Variants in CTDSPL observed in about 807,000 individuals in gnomAD.
The protein encoded by CTDSPL is CTD small phosphatase-like protein.
In CTDSPL, 8 loss-of-function variants were observed where a neutral mutation model predicts 30.5. That is an observed-to-expected ratio of 0.26 (90% CI 0.15 to 0.47). The LOEUF is 0.47. Ranked by LOEUF, CTDSPL falls within the 20% of genes least tolerant of loss-of-function variation. CTDSPL has a pLI of 0.99. For synonymous variants in CTDSPL, 110 were observed against 137.9 expected (o/e 0.80, Z 1.42); for missense variants, 248 against 366.1 (o/e 0.68, Z 2.63).
chr3:37,879,089 A>G (rs906248866), intron 1 of CTDSPL, among the ~76,000 whole-genome samples: 1 of 151,916 alleles, frequency 6.6e-6, no homozygotes, highest in Non-Finnish European at 1.5e-5. Context: ...ACCCAAAACA[A>G]AAGGGAAGAG....
chr3:37,912,848 A>G (rs1698598994), intron 1 of CTDSPL, among the ~76,000 whole-genome samples: 1 of 152,202 alleles, frequency 6.6e-6, no homozygotes, highest in Non-Finnish European at 1.5e-5. Context: ...GCTCTAGTAT[A>G]TTGCCAGCAA....
At chr3:37,969,490 C>T (rs748789618) in intron 5 of CTDSPL, 15 of 480,120 alleles carry the variant, frequency 3.1e-5, no homozygotes, top group Non-Finnish European at 5.2e-5. Flanking sequence ...CGGGCCTGGA[C>T]GCCGGCATCC....
chr3:37,915,473 T>C (rs1300898164), intron 1 of CTDSPL, among the ~76,000 whole-genome samples: 1 of 152,188 alleles, frequency 6.6e-6, no homozygotes, highest in Non-Finnish European at 1.5e-5. Context: ...TCATCTTTAT[T>C]TTCTGTCCTT....
intron 6 of CTDSPL, among the ~76,000 whole-genome samples, chr3:37,972,269 G>A (rs1575324401): frequency 6.6e-6 from 1 of 152,152 alleles, no homozygotes; most frequent in Non-Finnish European, 1.5e-5. Flanking sequence ...GGCCAAGGAG[G>A]GCGTATCACC....
At chr3:37,889,412 A>G in intron 1 of CTDSPL, among the ~76,000 whole-genome samples, 1 of 152,236 alleles carries the variant, frequency 6.6e-6, no homozygotes, top group East Asian at 1.9e-4. Context: ...TATAAAATGT[A>G]ATAGAAGGGC....
chr3:37,867,462 T>C (rs527335286), intron 1 of CTDSPL, among the ~76,000 whole-genome samples: 1 of 152,322 alleles, frequency 6.6e-6, no homozygotes, highest in South Asian at 2.1e-4. Context: ...TTCATATCTC[T>C]GGGATAAATG....
rs1698142730 is a variant in CTDSPL at position 37,877,032 on chromosome 3, G to C, written c.79+14754G>C. Among the ~76,000 whole-genome samples, 3 of 151,314 alleles carry C rather than the reference G, an allele frequency of 2.0e-5. No individual in the cohort carries two copies. In the East Asian group the frequency reaches 5.8e-4, roughly 29 times the overall value. ...GAGGAAGGAGAATCGCTTGAACCCAGGAGGCAAAGGTTGCAGTGAACCGAG... is the reference window on the plus strand; with the variant it reads ...GAGGAAGGAGAATCGCTTGAACCCACGAGGCAAAGGTTGCAGTGAACCGAG... On this transcript the variant is annotated intron_variant, in intron 1 of 7. Transcript: ENST00000273179.
At chr3:37,974,004 G>A (rs112588784) in intron 6 of CTDSPL, among the ~76,000 whole-genome samples, 47 of 152,370 alleles carry the variant, frequency 3.1e-4, no homozygotes, top group African/African-American at 1.1e-3. Context: ...AGCTTTAGAC[G>A]TGGCCCAACA....
intron 1 of CTDSPL, among the ~76,000 whole-genome samples, chr3:37,878,530 A>C (rs573020079): frequency 3.9e-5 from 6 of 152,278 alleles, no homozygotes; most frequent in African/African-American, 1.2e-4. Context: ...TCTCTCCTTA[A>C]ATTTTGATCG....
intron 1 of CTDSPL, among the ~76,000 whole-genome samples, chr3:37,863,677 G>A (rs1245186701): frequency 2.0e-5 from 3 of 152,236 alleles, no homozygotes; most frequent in Non-Finnish European, 4.4e-5. Context: ...GCCAGTGGGT[G>A]AGGTGTGCAG....
chr3:37,922,337 C>T (rs78273728), intron 1 of CTDSPL, among the ~76,000 whole-genome samples: 1,775 of 152,246 alleles, frequency 0.012, 34 homozygotes, highest in African/African-American at 0.04. Flanking sequence ...ATGCTGTCCT[C>T]AAACAGAAGG....
intron 1 of CTDSPL, among the ~76,000 whole-genome samples, chr3:37,945,324 G>A (rs1164721165): frequency 6.9e-6 from 1 of 144,708 alleles, no homozygotes; most frequent in Non-Finnish European, 1.6e-5. Context: ...ATTCAGCATG[G>A]CACATGGGGA....
intron 1 of CTDSPL, among the ~76,000 whole-genome samples, chr3:37,900,344 A>G (rs1424309448): frequency 3.9e-5 from 6 of 152,338 alleles, no homozygotes; most frequent in South Asian, 4.1e-4. Context: ...CTGAACTGAC[A>G]TTATTCACAA....
At chr3:37,940,428 C>A (rs747162274) in intron 1 of CTDSPL, among the ~76,000 whole-genome samples, 1 of 150,612 alleles carries the variant, frequency 6.6e-6, no homozygotes, top group Non-Finnish European at 1.5e-5. Flanking sequence ...CCAGAAGGGT[C>A]TGGTTTTAAT....
intron 1 of CTDSPL, among the ~76,000 whole-genome samples, chr3:37,892,653 A>G (rs931973996): frequency 6.6e-6 from 1 of 152,148 alleles, no homozygotes; most frequent in African/African-American, 2.4e-5. Flanking sequence ...CTTGAGTCAG[A>G]GAGAACTGAG....
intron 6 of CTDSPL, among the ~76,000 whole-genome samples, 160 bp downstream of exon 6, chr3:37,971,659 G>A (rs1699368595): frequency 1.3e-5 from 2 of 152,210 alleles, no homozygotes; most frequent in South Asian, 4.1e-4. Context: ...CATGTGCATG[G>A]TGCCAGTCTG....
At chr3:37,914,655 G>A (rs1302945068) in intron 1 of CTDSPL, among the ~76,000 whole-genome samples, 5 of 152,022 alleles carry the variant, frequency 3.3e-5, no homozygotes, top group African/African-American at 1.2e-4. Flanking sequence ...TAATTTGCTA[G>A]TGACATATTA....
intron 1 of CTDSPL, among the ~76,000 whole-genome samples, chr3:37,927,959 C>T (rs62239983): frequency 0.058 from 8,791 of 152,044 alleles, 282 homozygotes; most frequent in African/African-American, 0.082. Context: ...CTGTGACTGG[C>T]TTATTTCTCT....
intron 1 of CTDSPL, among the ~76,000 whole-genome samples, chr3:37,938,546 C>T (rs922534913): frequency 7.3e-5 from 11 of 150,142 alleles, no homozygotes; most frequent in African/African-American, 2.4e-4. Context: ...GTGCCTCCAT[C>T]TGTTGGCATA....
Sources: allele counts gnomAD v4.1 joint callset (sites outside exome capture counted in the v4.1 genomes callset), GRCh38; gene constraint gnomAD v4.1.1; transcripts MANE v1.5; gene names NCBI Gene and HGNC (gene_info 2026-07-23, HGNC 2026-07-21).